LY9: variants seen among roughly 807,000 people sequenced by gnomAD.
LY9 encodes the protein lymphocyte antigen 9.
LY9 carries 59 observed loss-of-function variants against 64.6 expected under a neutral mutation model. That is an observed-to-expected ratio of 0.91 (90% CI 0.74 to 1.13). The LOEUF (loss-of-function observed/expected upper bound fraction) is 1.13. Ranked by LOEUF, LY9 falls within the 50% of genes most tolerant of loss-of-function variation. The pLI is 0.00. For synonymous variants in LY9, 281 were observed against 308.5 expected, an observed-to-expected ratio of 0.91 and a Z score of 0.93; for missense variants, 789 against 797.2, an observed-to-expected ratio of 0.99 and a Z score of 0.12.
chr1:160,822,861 T>A (rs1391309141), intron 7 of LY9, among the ~76,000 whole-genome samples: 13 of 152,190 alleles, frequency 8.5e-5, no homozygotes, highest in Admixed American at 8.5e-4. Context: ...TATCATCCTT[T>A]CGGAAAAAGA....
intron 2 of LY9, among the ~76,000 whole-genome samples, chr1:160,807,367 CA>C (rs1667075793): frequency 6.6e-6 from 1 of 152,234 alleles, no homozygotes; most frequent in East Asian, 1.9e-4. Flanking sequence ...CTCAGTAGGT[CA>C]GAGTGTGTTT....
intron 2 of LY9, chr1:160,802,482 G>A: frequency 1.0e-6 from 1 of 985,672 alleles, no homozygotes. Flanking sequence ...ATGATGCGGA[G>A]CTGGCCTCCA....
At chr1:160,797,169 T>C in intron 1 of LY9, 1 of 985,520 alleles carries the variant, frequency 1.0e-6, no homozygotes, top group Non-Finnish European at 1.2e-6. Context: ...GTCCAGCAGA[T>C]AGAGCCAATC....
In LY9 at chr1:160,796,294, T is replaced by C; in HGVS notation, c.107T>C (p.Leu36Pro). The C allele has an allele frequency of 6.2e-7, 1 of 1,613,264 alleles. No individual in the cohort carries two copies. The highest frequency in any genetic ancestry group is 8.5e-7 in the Non-Finnish European group (1 of 1,179,924). Residue 36 changes from leucine to proline, a missense_variant, in exon 1 of 10, where the codon CTC (leucine) becomes CCC (proline). Leu to Pro is a moderately conservative substitution (Grantham distance 98). Transcript: ENST00000263285. Reference sequence around the variant, plus strand: ...TTCTCTTCTGTTCTACAGACCTCTCTCCTCTTCCTGCTCATGGGTAAGTCC... The same window carrying C: ...TTCTCTTCTGTTCTACAGACCTCTCCCCTCTTCCTGCTCATGGGTAAGTCC... ...QIFSSVLQTS[L>P]LFLLMGLRAS... is the part of the protein sequence containing the mutation.
chr1:160,827,882 G>A lies in LY9; in HGVS notation c.*66G>A. ...TTGGAAAGTCAGCTGGACCTCATGG[G>A]GCCTGGGGCTCACAGACAGAAGCAC... On this transcript the variant is annotated 3_prime_UTR_variant, in exon 10 of 10. Coordinates refer to ENST00000263285, the MANE Select transcript of LY9 (RefSeq NM_002348.4). 1 of 1,318,948 alleles carries A rather than the reference G, an allele frequency of 7.6e-7. No homozygotes were observed. The highest frequency in any genetic ancestry group is 1.1e-6 in the Non-Finnish European group (1 of 933,924). 81.7% of individuals were successfully genotyped at this position (1,318,948 alleles called of 1,614,324 possible).
intron 2 of LY9, among the ~76,000 whole-genome samples, chr1:160,806,159 C>T (rs73017984): frequency 0.033 from 4,950 of 152,006 alleles, 262 homozygotes; most frequent in African/African-American, 0.11. Flanking sequence ...ATAATTTAAT[C>T]CATTTACATT....
intron 2 of LY9, among the ~76,000 whole-genome samples, chr1:160,808,366 AT>A (rs1667181525): frequency 6.6e-6 from 1 of 152,224 alleles, no homozygotes; most frequent in African/African-American, 2.4e-5. Context: ...GACAGCGTGC[AT>A]TCTGCCAAAG....
chr1:160,814,717 C>T lies in LY9; in HGVS notation c.1028C>T (p.Ala343Val), dbSNP rs781637906. The change falls in exon 4 of 10, where the codon GCC (alanine) becomes GTC (valine). Residue 343 changes from alanine to valine, a missense_variant. Transcript: ENST00000263285. ...TACCATGCCTACGTGTGCTCAGAGG[C>T]CTCCAGCGTCACCAGCATGACACAT... ...GPYHAYVCSE[A>V]SSVTSMTHVT... The T allele has an allele frequency of 1.9e-6, 3 of 1,614,116 alleles. No homozygotes were observed. Among genetic ancestry groups the T allele is most frequent in the East Asian group, 2.2e-5 (1 of 44,888 alleles).
intron 1 of LY9, among the ~76,000 whole-genome samples, chr1:160,796,651 G>A (rs1278620852): frequency 6.6e-6 from 1 of 152,174 alleles, no homozygotes; most frequent in Admixed American, 6.5e-5. Context: ...TCAGCCACCT[G>A]AAGTGCTGGG....
chr1:160,805,852 A>T (rs1666940140), intron 2 of LY9, among the ~76,000 whole-genome samples: 2 of 149,762 alleles, frequency 1.3e-5, no homozygotes, highest in Admixed American at 1.3e-4. Flanking sequence ...GGGTGCATAT[A>T]CATTTAGAGT....
chr1:160,806,138 C>A (rs1453164608), intron 2 of LY9, among the ~76,000 whole-genome samples: 1 of 152,022 alleles, frequency 6.6e-6, no homozygotes, highest in Non-Finnish European at 1.5e-5. Flanking sequence ...CATTCTACAT[C>A]TTTTAAATGG....
chr1:160,824,527 G>T (rs1446732160), intron 9 of LY9: 1 of 985,096 alleles, frequency 1.0e-6, no homozygotes, highest in African/African-American at 1.7e-5. Context: ...CTCAAACAAG[G>T]TAGGGTCTTT....
chr1:160,809,022 G>A (rs772946896), intron 2 of LY9, among the ~76,000 whole-genome samples: 62 of 151,822 alleles, frequency 4.1e-4, no homozygotes, highest in African/African-American at 1.4e-3. Context: ...TAGAAATATT[G>A]TTTCTGCTTA....
intron 1 of LY9, among the ~76,000 whole-genome samples, chr1:160,796,907 C>T (rs538763825): frequency 3.9e-5 from 6 of 152,056 alleles, no homozygotes; most frequent in Non-Finnish European, 5.9e-5. Context: ...CAGGAAAATC[C>T]CCTGATGAGA....
At chr1:160,807,065 C>G (rs897324629) in intron 2 of LY9, among the ~76,000 whole-genome samples, 3 of 152,086 alleles carry the variant, frequency 2.0e-5, no homozygotes, top group African/African-American at 7.2e-5. Flanking sequence ...ATCTTCAATT[C>G]CAGAATTCTA....
intron 2 of LY9, among the ~76,000 whole-genome samples, chr1:160,808,231 A>G (rs1390133667): frequency 6.6e-6 from 1 of 152,078 alleles, no homozygotes; most frequent in Non-Finnish European, 1.5e-5. Flanking sequence ...AGGACCAGAA[A>G]CTGCAGCCCA....
At chr1:160,824,515 C>T (rs1668737062) in intron 9 of LY9, 24 of 985,114 alleles carry the variant, frequency 2.4e-5, no homozygotes, top group Non-Finnish European at 2.9e-5. Flanking sequence ...ACAGCTTATA[C>T]ACTCAAACAA....
chr1:160,818,431 A>C, intron 6 of LY9, 112 bp downstream of exon 6: 1 of 720,480 alleles, frequency 1.4e-6, no homozygotes, highest in Non-Finnish European at 2.4e-6. Context: ...CCAGCATCTT[A>C]TTTCTTCTCA....
At chr1:160,801,148 T>C (rs1666435176) in intron 2 of LY9, among the ~76,000 whole-genome samples, 1 of 152,190 alleles carries the variant, frequency 6.6e-6, no homozygotes, top group South Asian at 2.1e-4. Flanking sequence ...TTCATATTGT[T>C]TTGCATAGTG....
Sources: allele counts gnomAD v4.1 joint callset (sites outside exome capture counted in the v4.1 genomes callset), GRCh38; gene constraint gnomAD v4.1.1; transcripts MANE v1.5; gene names NCBI Gene and HGNC (gene_info 2026-07-23, HGNC 2026-07-21).